The following CPQ variants were observed in gnomAD, a reference collection of about 807,000 sequenced individuals.
CPQ encodes the protein carboxypeptidase Q, also known as Ser-Met dipeptidase.
A neutral mutation model predicts 45.7 loss-of-function variants in CPQ; 37 were observed. The ratio of observed to expected loss-of-function variants is 0.81; its 90% confidence interval spans 0.62 to 1.07. The LOEUF is 1.07. CPQ is among the 50% of genes least tolerant of loss of function. The pLI, the probability that CPQ is intolerant of heterozygous loss-of-function variation, is 0.00. For missense variants in CPQ, 537 were observed against 572.9 expected, an observed-to-expected ratio of 0.94 and a Z score of 0.64; for synonymous variants, 186 against 205.8, an observed-to-expected ratio of 0.90 and a Z score of 0.82.
intron 4 of CPQ, among the ~76,000 whole-genome samples, chr8:96,907,779 C>G (rs981282856): frequency 5.3e-5 from 8 of 152,034 alleles, no homozygotes; most frequent in African/African-American, 1.9e-4. Context: ...GGGTTCTCCT[C>G]CTGTATCCTG....
At chr8:97,037,243 G>A (rs1810020023) in intron 6 of CPQ, among the ~76,000 whole-genome samples, 1 of 152,122 alleles carries the variant, frequency 6.6e-6, no homozygotes, top group Non-Finnish European at 1.5e-5. Flanking sequence ...CGTGCTATCT[G>A]GGCAAATGTG....
At position 97,115,022 on chromosome 8, in the gene CPQ, C is replaced by G. The variant is rs1471044023; in HGVS notation, c.1256-27998C>G. On this transcript the variant is annotated intron_variant, in intron 7 of 7. Transcript: ENST00000220763. Reference sequence around the variant, plus strand: ...CAGTTTCCATCCACAGTCCTCATTTCCAGTTTTCTCCCTTCTTTTCTTTTC... The same window carrying G: ...CAGTTTCCATCCACAGTCCTCATTTGCAGTTTTCTCCCTTCTTTTCTTTTC... Among the ~76,000 whole-genome samples the G allele has an allele frequency of 3.3e-5, 5 of 152,188 alleles. No individual in the cohort carries two copies. The East Asian group carries it at 5.8e-4, about 18-fold the overall frequency.
At chr8:97,077,648 T>C (rs1810871972) in intron 7 of CPQ, among the ~76,000 whole-genome samples, 1 of 152,234 alleles carries the variant, frequency 6.6e-6, no homozygotes, top group African/African-American at 2.4e-5. Flanking sequence ...CATCCACATA[T>C]ATTTATGCAT....
chr8:97,125,877 CAAGAT>C (rs1811838392), intron 7 of CPQ, among the ~76,000 whole-genome samples: 1 of 152,002 alleles, frequency 6.6e-6, no homozygotes, highest in Non-Finnish European at 1.5e-5. Context: ...TATAATTAGA[CAAGAT>C]AAAGAAATCA....
chr8:96,808,392 A>G (rs1811113594), intron 2 of CPQ, among the ~76,000 whole-genome samples: 2 of 152,160 alleles, frequency 1.3e-5, no homozygotes, highest in African/African-American at 4.8e-5. Flanking sequence ...TACACAGAGC[A>G]TGGAAAGTCC....
chr8:96,762,213 C>G (rs984576981), intron 1 of CPQ, among the ~76,000 whole-genome samples: 4 of 152,072 alleles, frequency 2.6e-5, no homozygotes, highest in African/African-American at 9.7e-5. Context: ...ACAGAAAGTT[C>G]ATGTTCTTAT....
chr8:96,701,979 G>T (rs1291103408), intron 1 of CPQ, among the ~76,000 whole-genome samples: 9 of 152,174 alleles, frequency 5.9e-5, no homozygotes, highest in Non-Finnish European at 1.2e-4. Flanking sequence ...CCCCAGCTTT[G>T]GCATTGTCAG....
Position 96,740,313 on chromosome 8 carries a change from T to G in CPQ, c.-34-44551T>G, listed in dbSNP as rs188980593. 4.9e-3 allele frequency among the ~76,000 whole-genome samples: 748 copies of G among 152,244 alleles called. 11 individuals are homozygous for G. Among genetic ancestry groups the G allele is most frequent in the African/African-American group, 0.013 (525 of 41,546 alleles). On this transcript the variant is annotated intron_variant, in intron 1 of 7. Coordinates refer to ENST00000220763, the MANE Select transcript of CPQ (RefSeq NM_016134.4). ...CTTGTGATTTTTGTACCTTGATTTT[T>G]TATCCTGAGACTTTGCTGAAGTTGC...
intron 5 of CPQ, among the ~76,000 whole-genome samples, chr8:96,978,279 T>G (rs1156354168): frequency 6.6e-6 from 1 of 152,216 alleles, no homozygotes; most frequent in East Asian, 1.9e-4. Context: ...TCAGTTTACA[T>G]AGACATTTCT....
At chr8:96,729,136 A>G (rs2130768881) in intron 1 of CPQ, among the ~76,000 whole-genome samples, 1 of 152,326 alleles carries the variant, frequency 6.6e-6, no homozygotes, top group South Asian at 2.1e-4. Flanking sequence ...AGTGACATCC[A>G]AAAACTCTCG....
chr8:96,957,806 CA>C (rs559725927), intron 4 of CPQ, among the ~76,000 whole-genome samples: 3,789 of 128,120 alleles, frequency 0.03, 79 homozygotes, highest in South Asian at 0.11. Context: ...CTCAAAAAAA[CA>C]AAAAAAAAAA....
rs1052969686 is a variant in CPQ, at chr8:96,781,758, T to C, written c.-34-3106T>C. Among the ~76,000 whole-genome samples, 17 of 152,288 alleles carry C rather than the reference T, an allele frequency of 1.1e-4. No individual in the cohort carries two copies. In the East Asian group the frequency reaches 2.3e-3, roughly 21 times the overall value. On this transcript the variant is annotated intron_variant, in intron 1 of 7. Transcript: ENST00000220763. ...ATTCATTCTGAGGCAAATTCCCCTC[T>C]AGCTGTGAGCCTGTGAAATTATACA...
Position 96,888,774 on chromosome 8 carries a change from C to T in CPQ, c.849+8769C>T, listed in dbSNP as rs144073680. On this transcript the variant is annotated intron_variant, in intron 4 of 7. Transcript: ENST00000220763. ...TTTCACAGAGTATCTTAACATAAAACATTTTGTGAAACAGTAGGATGAGGC... is the reference window on the plus strand; with the variant it reads ...TTTCACAGAGTATCTTAACATAAAATATTTTGTGAAACAGTAGGATGAGGC... Among the ~76,000 whole-genome samples, 394 of 152,262 alleles carry T rather than the reference C, an allele frequency of 2.6e-3. 3 individuals are homozygous for T. The highest frequency in any genetic ancestry group is 6.8e-3 in the Middle Eastern group (2 of 294).
At chr8:96,812,202 C>T (rs1266046437) in intron 2 of CPQ, among the ~76,000 whole-genome samples, 1 of 152,116 alleles carries the variant, frequency 6.6e-6, no homozygotes, top group Non-Finnish European at 1.5e-5. Context: ...TTCTGCCCAC[C>T]TCCCCTCAAA....
intron 3 of CPQ, among the ~76,000 whole-genome samples, chr8:96,867,900 A>G (rs891902124): frequency 4.0e-5 from 6 of 151,826 alleles, no homozygotes; most frequent in African/African-American, 1.2e-4. Context: ...TCACTGAGTC[A>G]CTCTTGGCTC....
chr8:97,089,901 G>A (rs1223232025), intron 7 of CPQ, among the ~76,000 whole-genome samples: 5 of 152,098 alleles, frequency 3.3e-5, no homozygotes, highest in Non-Finnish European at 1.5e-5. Flanking sequence ...GTAAGTGTGG[G>A]GTGAGACTCA....
intron 1 of CPQ, among the ~76,000 whole-genome samples, chr8:96,755,941 A>G (rs960413200): frequency 3.9e-5 from 6 of 152,028 alleles, no homozygotes; most frequent in African/African-American, 1.2e-4. Context: ...TTAGTGCAGC[A>G]GGATATCAAA....
At chr8:96,731,334 C>T (rs1010649835) in intron 1 of CPQ, among the ~76,000 whole-genome samples, 22 of 152,102 alleles carry the variant, frequency 1.4e-4, no homozygotes, top group African/African-American at 5.3e-4. Flanking sequence ...GAGATTAGTT[C>T]CTTCAGTAGT....
intron 4 of CPQ, among the ~76,000 whole-genome samples, chr8:96,915,685 T>G (rs28458912): frequency 0.13 from 20,167 of 152,138 alleles, 1,696 homozygotes; most frequent in Admixed American, 0.19. Flanking sequence ...TATCCCTGCT[T>G]TGTAATTCAC....
Sources: gnomAD v4.1 joint callset for allele counts (sites outside exome capture counted in the v4.1 genomes callset) on GRCh38, gnomAD v4.1.1 for gene constraint, MANE v1.5 for transcripts, NCBI Gene and HGNC (gene_info 2026-07-23, HGNC 2026-07-21) for gene names.